Variants in FES observed in about 807,000 individuals in gnomAD.
FES encodes the protein tyrosine-protein kinase Fes/Fps.
In FES, 83 loss-of-function variants were observed where a neutral mutation model predicts 109.6. That is an observed-to-expected ratio of 0.76 (90% confidence interval 0.63 to 0.91). The LOEUF is 0.91. Among genes scored for constraint, FES ranks in the 40% least tolerant of loss-of-function variants. FES has a pLI of 0.00. For synonymous variants in FES, 458 were observed against 442.1 expected (o/e 1.04, Z -0.45); for missense variants, 943 against 1,070.9 (o/e 0.88, Z 1.67).
chr15:90,889,187 C>A lies in FES; in HGVS notation c.669-119C>A. On this transcript the variant is annotated intron_variant, in intron 5 of 18. Coordinates refer to ENST00000328850, the MANE Select transcript of FES (RefSeq NM_002005.4). This position sits in a 1 kb window ranked among gnomAD's most constrained non-coding sequence, Gnocchi z 6.1. Reference sequence around the variant, plus strand: ...AATTTGCCTAGAGTGGCATGGCTAGCTCGAAGTGAGGCAGGGGTCAACCCC... The same window carrying A: ...AATTTGCCTAGAGTGGCATGGCTAGATCGAAGTGAGGCAGGGGTCAACCCC... 1 of 1,370,814 alleles carries A rather than the reference C, an allele frequency of 7.3e-7. No homozygotes were observed. Among genetic ancestry groups the A allele is most frequent in the Non-Finnish European group, 9.9e-7 (1 of 1,007,740 alleles). The allele number at this position is 1,370,814 out of a possible 1,614,324, so 84.9% of individuals were successfully genotyped here.
chr15:90,888,994 G>A (rs1459460936), intron 5 of FES, among the ~76,000 whole-genome samples: 6 of 152,096 alleles, frequency 3.9e-5, no homozygotes, highest in Non-Finnish European at 1.5e-5. Context: ...GTTTCACCAC[G>A]TTAGCCAGGC....
chr15:90,890,431 A>T lies in FES; in HGVS notation c.1267A>T (p.Thr423Ser). ...EQEREGGRTP[T>S]LEILKSHISG... ...GGAGCGAGAGGGGGGAAGGACACCCACGCTGGAGATCCTTAAGAGCCACAT... is the reference window on the plus strand; with the variant it reads ...GGAGCGAGAGGGGGGAAGGACACCCTCGCTGGAGATCCTTAAGAGCCACAT... Residue 423 changes from threonine to serine, a missense_variant, in exon 10 of 19, where the codon ACG becomes TCG. Coordinates refer to ENST00000328850, the MANE Select transcript of FES (RefSeq NM_002005.4). The T allele has an allele frequency of 6.2e-7, 1 of 1,612,170 alleles. No individual in the cohort carries two copies. Among genetic ancestry groups the T allele is most frequent in the Non-Finnish European group, 8.5e-7 (1 of 1,179,780 alleles).
intron 16 of FES, 92 bp from the exon 17 acceptor site, chr15:90,893,562 G>A: frequency 6.7e-7 from 1 of 1,501,710 alleles, no homozygotes; most frequent in Non-Finnish European, 8.9e-7. Flanking sequence ...CCAGGGCCGG[G>A]AGCAGCTTTT....
intron 18 of FES, among the ~76,000 whole-genome samples, chr15:90,894,540 G>A (rs924746467): frequency 2.0e-5 from 3 of 151,896 alleles, no homozygotes; most frequent in Admixed American, 6.6e-5. Flanking sequence ...AGCCGAGATT[G>A]TGCCACTGCA....
In FES at chr15:90,893,761, G is replaced by T. The variant is rs375629627; in HGVS notation, c.2153G>T (p.Gly718Val). The T allele has an allele frequency of 6.8e-6, 11 of 1,608,140 alleles. 1 individual carries two copies. Among genetic ancestry groups the T allele is most frequent in the East Asian group, 2.2e-5 (1 of 44,766 alleles). Residue 718 changes from glycine to valine, a missense_variant, in exon 17 of 19, where the codon GGC (glycine) becomes GTC (valine). Coordinates refer to ENST00000328850, the MANE Select transcript of FES (RefSeq NM_002005.4). ...EADGVYAASG[G>V]LRQVPVKWTA... is the part of the protein sequence containing the mutation. ...GATGGGGTCTATGCAGCCTCAGGGG[G>T]CCTCAGACAAGTCCCCGTGAAGTGG...
intron 10 of FES, among the ~76,000 whole-genome samples, chr15:90,890,770 G>T (rs1027434620): frequency 6.6e-6 from 1 of 152,078 alleles, no homozygotes; most frequent in Admixed American, 6.5e-5. Context: ...TTGGTTTGGG[G>T]TCTTCCTGCC....
intron 5 of FES, 102 bp downstream of exon 5, chr15:90,887,472 G>C: frequency 2.3e-6 from 3 of 1,286,168 alleles, no homozygotes. Context: ...CTGGGAAGGT[G>C]CTGGCCATGT....
intron 14 of FES, 91 bp from the exon 15 acceptor site, chr15:90,893,009 C>G: frequency 6.8e-7 from 1 of 1,467,116 alleles, no homozygotes; most frequent in Non-Finnish European, 9.3e-7. Flanking sequence ...GGTCTGCTGG[C>G]CTTGGAGGCC....
chr15:90,889,780 G>A lies in FES; in HGVS notation c.927-60G>A. The A allele has an allele frequency of 1.2e-6, 2 of 1,609,020 alleles. No homozygotes were observed. The highest frequency in any genetic ancestry group is 1.3e-5 in the African/African-American group (1 of 74,890). ...TTGCTTGGCTCTACAGGGATGCACT[G>A]GACCTGGGTTGAGGGGGCAGGAGGG... On this transcript the variant is annotated intron_variant, in intron 7 of 18. Coordinates refer to ENST00000328850, the MANE Select transcript of FES (RefSeq NM_002005.4). This position sits in a 1 kb window ranked among gnomAD's most constrained non-coding sequence, Gnocchi z 6.1.
rs1283278875 is a variant in FES, at chr15:90,893,711, C to T, written c.2103C>T (p.Asp701=). 1 of 1,611,744 alleles carries T rather than the reference C, an allele frequency of 6.2e-7. No individual in the cohort carries two copies. Among genetic ancestry groups the T allele is most frequent in the South Asian group, 1.1e-5 (1 of 90,846 alleles). The change falls in exon 17 of 19, where the codon GAC becomes GAT. Residue 701 remains aspartate, a synonymous_variant. Transcript: ENST00000328850. The part of the protein sequence containing the change: ...VTEKNVLKIS[D]FGMSREEADG... The stretch of plus-strand genomic sequence containing the variant: ...AGAAGAATGTCCTGAAGATCAGTGA[C>T]TTTGGGATGTCCCGAGAGGAAGCCG...
intron 12 of FES, 94 bp downstream of exon 12, chr15:90,891,770 C>T (rs2033240145): frequency 1.8e-5 from 28 of 1,543,034 alleles, no homozygotes; most frequent in Non-Finnish European, 2.2e-5. Context: ...AAGGGCTTTC[C>T]AGGCCCTCCG....
At chr15:90,894,585 C>A (rs1419461458) in intron 18 of FES, among the ~76,000 whole-genome samples, 1 of 151,154 alleles carries the variant, frequency 6.6e-6, no homozygotes, top group Admixed American at 6.6e-5. Flanking sequence ...AACTCCATCT[C>A]AAAAAAAACC....
rs368520246 is a variant in FES at position 90,890,269 on chromosome 15, G to A, written c.1227G>A (p.Thr409=). ...VLLLQDDRHS[T]SSSEQEREGG... Reference sequence around the variant, plus strand: ...TCCTGCAGGATGACCGCCACTCCACGTCGTCCTCGGTGAGCTGCCCCATCC... The same window carrying A: ...TCCTGCAGGATGACCGCCACTCCACATCGTCCTCGGTGAGCTGCCCCATCC... Residue 409 remains threonine (T), a synonymous_variant, in exon 9 of 19, where the codon ACG becomes ACA. Transcript: ENST00000328850. The A allele has an allele frequency of 1.1e-5, 17 of 1,591,034 alleles. No individual in the cohort carries two copies. Among genetic ancestry groups the A allele is most frequent in the Admixed American group, 8.4e-5 (5 of 59,582 alleles).
At chr15:90,886,096 G>A (rs1484352503) in intron 3 of FES, among the ~76,000 whole-genome samples, 1 of 152,166 alleles carries the variant, frequency 6.6e-6, no homozygotes, top group East Asian at 1.9e-4. Context: ...TTATCTGGGA[G>A]CCTAGTGCCC....
chr15:90,887,559 C>T (rs946782172), intron 5 of FES, among the ~76,000 whole-genome samples, 189 bp downstream of exon 5: 1 of 152,210 alleles, frequency 6.6e-6, no homozygotes, highest in African/African-American at 2.4e-5. Flanking sequence ...TCCAGGGTCT[C>T]ATTATTCCAG....
At chr15:90,891,263 C>G in intron 11 of FES, 72 bp downstream of exon 11, 1 of 1,503,328 alleles carries the variant, frequency 6.7e-7, no homozygotes, top group Non-Finnish European at 9.0e-7. Flanking sequence ...AGGGAAATGG[C>G]CTTTCAGGGT....
intron 5 of FES, among the ~76,000 whole-genome samples, chr15:90,888,802 G>A (rs1326997830): frequency 6.7e-6 from 1 of 150,072 alleles, no homozygotes; most frequent in Non-Finnish European, 1.5e-5. Context: ...ATTTAGAGAT[G>A]TAGTCTCATT....
At chr15:90,890,371 C>A in intron 9 of FES, 30 bp from the exon 10 acceptor site, 2 of 1,608,562 alleles carry the variant, frequency 1.2e-6, no homozygotes, top group Non-Finnish European at 1.7e-6. Flanking sequence ...CTAAGCCTGG[C>A]CACCCGCTGA....
At chr15:90,884,876 G>A in intron 1 of FES, 161 bp from the exon 2 acceptor site, 1 of 653,594 alleles carries the variant, frequency 1.5e-6, no homozygotes, top group Non-Finnish European at 2.7e-6. Context: ...CCCCAGGCCA[G>A]GCTGCTGCTG....
Sources: allele counts gnomAD v4.1 joint callset (sites outside exome capture counted in the v4.1 genomes callset), GRCh38; gene constraint gnomAD v4.1.1; non-coding constraint Gnocchi (gnomAD v3.1); transcripts MANE v1.5; gene names NCBI Gene and HGNC (gene_info 2026-07-23, HGNC 2026-07-21).